CADM2: variants seen among roughly 807,000 people sequenced by gnomAD.
CADM2 encodes cell adhesion molecule 2, also known as immunoglobulin superfamily member 4D.
Under a neutral mutation model 49.8 loss-of-function variants are expected in CADM2, and 12 were observed. The observed-to-expected ratio is 0.24, with a 90% CI of 0.15 to 0.39. The LOEUF (loss-of-function observed/expected upper bound fraction) is 0.39, where lower values mean the gene tolerates loss of function less well. Ranked by LOEUF, CADM2 falls within the 10% of genes least tolerant of loss-of-function variation. The pLI, the probability that CADM2 is intolerant of heterozygous loss-of-function variation, is 1.00. For synonymous variants in CADM2, 214 were observed against 175.4 expected, an observed-to-expected ratio of 1.22 and a Z score of -1.74; for missense variants, 378 against 492.3, an observed-to-expected ratio of 0.77 and a Z score of 2.20.
At chr3:86,056,077 A>C (rs1737953170) in intron 8 of CADM2, among the ~76,000 whole-genome samples, 1 of 152,190 alleles carries the variant, frequency 6.6e-6, no homozygotes, top group Non-Finnish European at 1.5e-5. Flanking sequence ...TTGATCACCT[A>C]GATAGCCTTT....
chr3:85,920,365 T>C (rs536331811), intron 6 of CADM2, among the ~76,000 whole-genome samples: 109 of 151,938 alleles, frequency 7.2e-4, no homozygotes, highest in African/African-American at 2.6e-3. Context: ...AAACTGTTCT[T>C]TTGACAAACA....
intron 8 of CADM2, among the ~76,000 whole-genome samples, chr3:85,991,533 A>G (rs556752206): frequency 2.5e-4 from 38 of 152,238 alleles, no homozygotes; most frequent in African/African-American, 9.1e-4. Flanking sequence ...ATATTAACAC[A>G]CCCATTGCAA....
At chr3:84,987,342 T>G (rs2032632767) in intron 1 of CADM2, among the ~76,000 whole-genome samples, 1 of 152,058 alleles carries the variant, frequency 6.6e-6, no homozygotes, top group South Asian at 2.1e-4. Context: ...CAATGACTAG[T>G]CTTTGTTTTG....
chr3:85,239,802 C>A (rs1003946496), intron 1 of CADM2, among the ~76,000 whole-genome samples: 8 of 150,908 alleles, frequency 5.3e-5, no homozygotes, highest in African/African-American at 1.9e-4. Flanking sequence ...TTATTTTATT[C>A]AGTTCTTAGT....
intron 3 of CADM2, among the ~76,000 whole-genome samples, chr3:85,807,197 T>C (rs1277517402): frequency 6.6e-6 from 1 of 152,020 alleles, no homozygotes; most frequent in Non-Finnish European, 1.5e-5. Flanking sequence ...ATTGAAGATA[T>C]ACATAGATTA....
At chr3:85,672,237 G>C (rs542310196) in intron 1 of CADM2, among the ~76,000 whole-genome samples, 231 of 139,628 alleles carry the variant, frequency 1.7e-3, no homozygotes, top group African/African-American at 5.7e-3. Flanking sequence ...CTTTCGCCCA[G>C]GCCAGAGTGC....
intron 1 of CADM2, among the ~76,000 whole-genome samples, chr3:85,063,110 G>A (rs1457050714): frequency 9.2e-5 from 14 of 151,352 alleles, no homozygotes; most frequent in Non-Finnish European, 2.1e-4. Flanking sequence ...ATAATTTTTA[G>A]GTTTTTTATG....
chr3:85,200,334 C>T (rs1439369022), intron 1 of CADM2, among the ~76,000 whole-genome samples: 1 of 151,982 alleles, frequency 6.6e-6, no homozygotes, highest in Non-Finnish European at 1.5e-5. Context: ...TAAACCGTTT[C>T]CACTCATTCG....
intron 8 of CADM2, among the ~76,000 whole-genome samples, chr3:85,975,623 C>A (rs950745006): frequency 1.3e-5 from 2 of 151,552 alleles, no homozygotes; most frequent in Admixed American, 1.3e-4. Context: ...ATACAAACTA[C>A]AAATATATAA....
intron 7 of CADM2, among the ~76,000 whole-genome samples, chr3:85,959,338 T>C (rs1724529303): frequency 6.6e-6 from 1 of 151,856 alleles, no homozygotes; most frequent in African/African-American, 2.4e-5. Flanking sequence ...TTTTAGGTTT[T>C]ATGGGGGCTT....
At chr3:85,174,415 A>G (rs190065892) in intron 1 of CADM2, among the ~76,000 whole-genome samples, 1 of 152,022 alleles carries the variant, frequency 6.6e-6, no homozygotes, top group Admixed American at 6.6e-5. Flanking sequence ...GAGAATGTTT[A>G]TCATTTCCTA....
At chr3:85,675,276 T>G (rs1300678675) in intron 1 of CADM2, among the ~76,000 whole-genome samples, 1 of 152,164 alleles carries the variant, frequency 6.6e-6, no homozygotes, top group Non-Finnish European at 1.5e-5. Context: ...CTCCTGTATC[T>G]TAGGATACAA....
chr3:85,083,860 A>G (rs770930613), intron 1 of CADM2, among the ~76,000 whole-genome samples: 2 of 152,186 alleles, frequency 1.3e-5, no homozygotes, highest in Non-Finnish European at 2.9e-5. Flanking sequence ...TATTCTACAG[A>G]AACAGAAAAC....
chr3:85,458,581 G>C (rs1386634479), intron 1 of CADM2, among the ~76,000 whole-genome samples: 1 of 152,142 alleles, frequency 6.6e-6, no homozygotes, highest in African/African-American at 2.4e-5. Flanking sequence ...AGATCAATTT[G>C]ATTTCTCCTC....
intron 2 of CADM2, among the ~76,000 whole-genome samples, chr3:85,758,791 C>A (rs35686664): frequency 0.052 from 7,879 of 152,014 alleles, 287 homozygotes; most frequent in Middle Eastern, 0.088. Flanking sequence ...ATTAATGAGT[C>A]TTTTTTGGTA....
chr3:85,182,415 A>G (rs931264482), intron 1 of CADM2, among the ~76,000 whole-genome samples: 1 of 152,088 alleles, frequency 6.6e-6, no homozygotes, highest in Admixed American at 6.6e-5. Context: ...CTATGATAAA[A>G]AAGGAATTTC....
Position 85,119,303 on chromosome 3 carries a change from G to A in CADM2, c.61+159635G>A, listed in dbSNP as rs190484114. ...GCGGACCTATAGTACCAGCTACCCC[G>A]GAGCCTGAGGTGGCATTATTTCTGA... On this transcript the variant is annotated intron_variant, in intron 1 of 9. Coordinates refer to ENST00000383699, the MANE Select transcript of CADM2 (RefSeq NM_001167675.2). Among the ~76,000 whole-genome samples, 29 of 152,080 alleles carry A rather than the reference G, an allele frequency of 1.9e-4. 1 individual carries two copies. The East Asian group carries it at 5.0e-3, about 26-fold the overall frequency.
chr3:85,623,194 G>T (rs60667710), intron 1 of CADM2, among the ~76,000 whole-genome samples: 1 of 152,174 alleles, frequency 6.6e-6, no homozygotes, highest in South Asian at 2.1e-4. Flanking sequence ...CAGTGCACAC[G>T]TTAGCTACAT....
At chr3:84,981,947 C>A (rs2107138581) in intron 1 of CADM2, among the ~76,000 whole-genome samples, 1 of 152,268 alleles carries the variant, frequency 6.6e-6, no homozygotes, top group Non-Finnish European at 1.5e-5. Context: ...TTAATTTAGA[C>A]AGCAAGAGAA....
Sources: allele counts gnomAD v4.1 joint callset (sites outside exome capture counted in the v4.1 genomes callset), GRCh38; gene constraint gnomAD v4.1.1; transcripts MANE v1.5; gene names NCBI Gene and HGNC (gene_info 2026-07-23, HGNC 2026-07-21).